Variants in SLC17A1 observed in about 807,000 individuals in gnomAD.
SLC17A1 encodes solute carrier family 17 member 1.
A neutral mutation model predicts 53.5 loss-of-function variants in SLC17A1; 51 were observed. That is an observed-to-expected ratio of 0.95 (90% CI 0.76 to 1.20). The LOEUF (loss-of-function observed/expected upper bound fraction) is 1.20, where lower values mean the gene tolerates loss of function less well. SLC17A1 is among the 50% of genes most tolerant of loss of function. SLC17A1 has a pLI of 0.00. For synonymous variants in SLC17A1, 179 were observed against 198.8 expected, an observed-to-expected ratio of 0.90 and a Z score of 0.84; for missense variants, 538 against 568.2, an observed-to-expected ratio of 0.95 and a Z score of 0.54.
chr6:25,767,013 A>G, the SLC17A1 span, among the ~76,000 whole-genome samples: 37 of 152,274 alleles, frequency 2.4e-4, no homozygotes, highest in African/African-American at 8.9e-4. Context: ...ATTGCAACAA[A>G]TGCACCATAA....
At chr6:25,827,134 G>A (rs952360848) in intron 2 of SLC17A1, among the ~76,000 whole-genome samples, 5 of 152,102 alleles carry the variant, frequency 3.3e-5, no homozygotes, top group African/African-American at 1.2e-4. Context: ...TTCATTGATG[G>A]AAGAAAGTAG....
At chr6:25,781,791 C>T (rs1365846916), downstream of SLC17A1, among the ~76,000 whole-genome samples, 1 of 152,082 alleles carries the variant, frequency 6.6e-6, no homozygotes, top group Non-Finnish European at 1.5e-5. Flanking sequence ...TAGGGATTCA[C>T]CCTTATGACA....
chr6:25,749,120 A>T, the SLC17A1 span, among the ~76,000 whole-genome samples: 12 of 152,230 alleles, frequency 7.9e-5, no homozygotes, highest in Admixed American at 7.8e-4. Context: ...GCCATATTTC[A>T]GACTATCACA....
intron 10 of SLC17A1, among the ~76,000 whole-genome samples, chr6:25,809,653 G>A (rs1316072499): frequency 6.6e-6 from 1 of 151,890 alleles, no homozygotes; most frequent in East Asian, 1.9e-4. Flanking sequence ...CTGTGCTTAT[G>A]GATAGGAAGA....
chr6:25,728,597 G>A, the SLC17A1 span, among the ~76,000 whole-genome samples: 1 of 152,180 alleles, frequency 6.6e-6, no homozygotes, highest in Non-Finnish European at 1.5e-5. Flanking sequence ...GGCAGATCAC[G>A]AGGTCAGGAG....
the SLC17A1 span, among the ~76,000 whole-genome samples, chr6:25,725,204 T>C: frequency 2.0e-4 from 31 of 152,198 alleles, no homozygotes; most frequent in Admixed American, 2.0e-3. Flanking sequence ...TTGAAGCATA[T>C]ACTCTTCCAA....
the SLC17A1 span, among the ~76,000 whole-genome samples, chr6:25,746,380 C>A: frequency 6.6e-6 from 1 of 151,222 alleles, no homozygotes; most frequent in Non-Finnish European, 1.5e-5. Flanking sequence ...CTAAATAAGT[C>A]AATACTGATA....
intron 12 of SLC17A1, among the ~76,000 whole-genome samples, chr6:25,784,811 T>TA: frequency 6.6e-6 from 1 of 152,254 alleles, no homozygotes; most frequent in Non-Finnish European, 1.5e-5. Context: ...AAAGGCTTTG[T>TA]AAGAATTTTA....
chr6:25,783,051 A>G lies in SLC17A1; in HGVS notation c.*170T>C, dbSNP rs1763300221. 6.6e-6 allele frequency: 1 copy of G among 152,216 alleles called. No homozygotes were observed. Among genetic ancestry groups the G allele is most frequent in the Non-Finnish European group, 1.5e-5 (1 of 68,042 alleles). 9.4% of individuals were successfully genotyped at this position (152,216 alleles called of 1,614,324 possible). A position where few individuals can be genotyped will look rare whatever the true frequency, so the allele number is the denominator to read the frequency against. Reference sequence around the variant, plus strand: ...ACATGTTACAAACAACACATGTTAAAAAACGATGCACACAGGATATGTGGG... The same window carrying G: ...ACATGTTACAAACAACACATGTTAAGAAACGATGCACACAGGATATGTGGG... On this transcript the variant is annotated 3_prime_UTR_variant, in exon 13 of 13. Transcript: ENST00000244527.
the SLC17A1 span, chr6:25,770,315 T>C: frequency 1.1e-4 from 179 of 1,614,028 alleles, 3 homozygotes; most frequent in Admixed American, 3.0e-3. Flanking sequence ...CAAGATGTTT[T>C]CCAGGTATAA....
At chr6:25,739,895 C>CA in the SLC17A1 span, among the ~76,000 whole-genome samples, 1 of 152,084 alleles carries the variant, frequency 6.6e-6, no homozygotes, top group South Asian at 2.1e-4. Flanking sequence ...CACAAATCTA[C>CA]ACACGTGATA....
chr6:25,763,557 A>G, the SLC17A1 span, among the ~76,000 whole-genome samples: 2 of 152,110 alleles, frequency 1.3e-5, no homozygotes, highest in Non-Finnish European at 2.9e-5. Context: ...TTCTCTGGGT[A>G]CCAGTACCCC....
chr6:25,831,551 T>C (rs1764949989), intron 1 of SLC17A1, among the ~76,000 whole-genome samples: 1 of 151,988 alleles, frequency 6.6e-6, no homozygotes, highest in Non-Finnish European at 1.5e-5. Flanking sequence ...TCCCCTTATG[T>C]TCTCCACACA....
chr6:25,813,102 A>G lies in SLC17A1; in HGVS notation c.728T>C (p.Val243Ala). 1 of 1,613,834 alleles carries G rather than the reference A, an allele frequency of 6.2e-7. No individual in the cohort carries two copies. The highest frequency in any genetic ancestry group is 8.5e-7 in the Non-Finnish European group (1 of 1,179,726). The change falls in exon 7 of 13, where the codon GTC becomes GCC. Residue 243 changes from valine (V) to alanine (A), a missense_variant. Transcript: ENST00000244527. Reference sequence around the variant, plus strand: ...TGGAGAACTGTGTTCTACCTGCTGGACCAGGGAGGATGTGATGTATTCCTT... The same window carrying G: ...TGGAGAACTGTGTTCTACCTGCTGGGCCAGGGAGGATGTGATGTATTCCTT... ...SEKEYITSSL[V>A]QQVSSSRQSL...
chr6:25,727,244 T>C, the SLC17A1 span: 1 of 1,613,254 alleles, frequency 6.2e-7, no homozygotes, highest in Non-Finnish European at 8.5e-7. Flanking sequence ...CTAAACATGC[T>C]GTGTCTGAGG....
the SLC17A1 span, among the ~76,000 whole-genome samples, chr6:25,742,512 C>CAAAAAAAAAAAAAA: frequency 7.9e-6 from 1 of 127,144 alleles, no homozygotes; most frequent in African/African-American, 3.1e-5. Context: ...AAAAACAATA[C>CAAAAAAAAAAAAAA]AAAAAAAAAA....
chr6:25,827,331 T>C (rs1161484920), intron 2 of SLC17A1, among the ~76,000 whole-genome samples: 1 of 152,068 alleles, frequency 6.6e-6, no homozygotes, highest in Non-Finnish European at 1.5e-5. Context: ...TAGCAGAATG[T>C]TTGGAAAGAA....
chr6:25,761,747 C>T, the SLC17A1 span, among the ~76,000 whole-genome samples: 2 of 152,100 alleles, frequency 1.3e-5, no homozygotes, highest in South Asian at 2.1e-4. Context: ...GGGTAAACTG[C>T]GACCTTTCAA....
the SLC17A1 span, among the ~76,000 whole-genome samples, chr6:25,744,936 G>T: frequency 2.0e-5 from 3 of 152,286 alleles, no homozygotes; most frequent in African/African-American, 2.4e-5. Context: ...ATCCAATTCA[G>T]CAAGTAGTTG....
Sources: allele counts gnomAD v4.1 joint callset (sites outside exome capture counted in the v4.1 genomes callset), GRCh38; gene constraint gnomAD v4.1.1; transcripts MANE v1.5; gene names NCBI Gene and HGNC (gene_info 2026-07-23, HGNC 2026-07-21).